ATPSCKMT: variants seen among roughly 807,000 people sequenced by gnomAD.
The protein encoded by ATPSCKMT is ATP synthase c subunit lysine N-methyltransferase.
ATPSCKMT carries 24 observed loss-of-function variants against 24.3 expected under a neutral mutation model. The ratio of observed to expected loss-of-function variants is 0.99; its 90% CI spans 0.71 to 1.39. The LOEUF is 1.39. ATPSCKMT is among the 40% of genes most tolerant of loss of function. ATPSCKMT has a pLI of 0.00. For synonymous variants in ATPSCKMT, 95 were observed against 110.5 expected (o/e 0.86, Z 0.88); for missense variants, 311 against 298.4 (o/e 1.04, Z -0.31).
chr5:10,231,810 G>C (rs16884328), intron 4 of ATPSCKMT, among the ~76,000 whole-genome samples: 32,191 of 152,120 alleles, frequency 0.21, 3,650 homozygotes, highest in Middle Eastern at 0.28. Context: ...TGCTATAGTG[G>C]CCACACTTGT....
rs1345350117 is a variant in ATPSCKMT, at chr5:10,226,649, A to G, written c.*792T>C. 6.6e-6 allele frequency: 1 copy of G among 152,266 alleles called. No homozygotes were observed. Among genetic ancestry groups the G allele is most frequent in the African/African-American group, 2.4e-5 (1 of 41,482 alleles). 9.4% of individuals were successfully genotyped at this position (152,266 alleles called of 1,614,324 possible). ...CAGAAATAATCTGCAACTTCTGTGA[A>G]TAAGATTTTTCTCAGTGTCTAAAAT... On this transcript the variant is annotated 3_prime_UTR_variant, in exon 5 of 5. Coordinates refer to ENST00000511437, the MANE Select transcript of ATPSCKMT (RefSeq NM_199133.4).
chr5:10,238,407 T>C (rs773347612), intron 2 of ATPSCKMT, among the ~76,000 whole-genome samples: 4 of 152,234 alleles, frequency 2.6e-5, no homozygotes, highest in Non-Finnish European at 4.4e-5. Flanking sequence ...AGAGTCCTGC[T>C]GGCCTTCACA....
At position 10,227,159 on chromosome 5, in the gene ATPSCKMT, T is replaced by A. The variant is rs1417728545; in HGVS notation, c.*282A>T. 1 of 423,050 alleles carries A rather than the reference T, an allele frequency of 2.4e-6. No individual in the cohort carries two copies. The highest frequency in any genetic ancestry group is 2.0e-5 in the African/African-American group (1 of 49,860). The allele number at this position is 423,050 out of a possible 1,614,324, so 26.2% of individuals were successfully genotyped here. On this transcript the variant is annotated 3_prime_UTR_variant, in exon 5 of 5. Transcript: ENST00000511437. Reference sequence around the variant, plus strand: ...TTTATAATGTGAAGAGCTATTGGCATCTTATTTTCCTACCCATAACCATGA... The same window carrying A: ...TTTATAATGTGAAGAGCTATTGGCAACTTATTTTCCTACCCATAACCATGA...
chr5:10,237,298 C>T (rs554194910), intron 2 of ATPSCKMT, among the ~76,000 whole-genome samples: 3 of 152,322 alleles, frequency 2.0e-5, no homozygotes, highest in Admixed American at 6.5e-5. Context: ...TACTACAGTG[C>T]TGCAAGAAAA....
At chr5:10,249,474 A>G in intron 1 of ATPSCKMT, 1 of 243,858 alleles carries the variant, frequency 4.1e-6, no homozygotes. Flanking sequence ...GTCACTTTGC[A>G]GACAGGGAAC....
intron 1 of ATPSCKMT, 50 bp downstream of exon 1, chr5:10,249,800 GGCCCGCCC>G: frequency 1.2e-6 from 1 of 833,690 alleles, no homozygotes; most frequent in Non-Finnish European, 1.8e-6. Context: ...GCGAGCCCCC[GGCCCGCCC>G]GCACCCCTTC....
At position 10,227,340 on chromosome 5, in the gene ATPSCKMT, C is replaced by T. The variant is rs973504776; in HGVS notation, c.*101G>A. On this transcript the variant is annotated 3_prime_UTR_variant, in exon 5 of 5. Transcript: ENST00000511437. ...GGAAAGTAATAGTAATTTCTCATTC[C>T]AAACCAAAGACAATTATGCTCCTTT... 7.8e-6 allele frequency: 10 copies of T among 1,277,504 alleles called. No homozygotes were observed. The highest frequency in any genetic ancestry group is 4.2e-5 in the Admixed American group (2 of 48,076). 79.1% of individuals were successfully genotyped at this position (1,277,504 alleles called of 1,614,324 possible).
intron 1 of ATPSCKMT, among the ~76,000 whole-genome samples, chr5:10,242,051 G>A (rs1744669305): frequency 6.6e-6 from 1 of 152,200 alleles, no homozygotes; most frequent in South Asian, 2.1e-4. Flanking sequence ...TTTCACTGGT[G>A]TAGGATCTGG....
intron 1 of ATPSCKMT, among the ~76,000 whole-genome samples, chr5:10,240,437 A>G (rs2607324): frequency 0.91 from 139,131 of 152,094 alleles, 63,918 homozygotes; most frequent in Middle Eastern, 0.99. Context: ...ATTGATTAAC[A>G]AGGAGCACAG....
chr5:10,235,311 G>C, intron 3 of ATPSCKMT, 50 bp from the exon 4 acceptor site: 1 of 1,515,518 alleles, frequency 6.6e-7, no homozygotes, highest in Non-Finnish European at 9.1e-7. Flanking sequence ...AAAGCCAAAC[G>C]TGAAGCTTAA....
chr5:10,245,463 T>C (rs1448268325), intron 1 of ATPSCKMT, among the ~76,000 whole-genome samples: 1 of 149,864 alleles, frequency 6.7e-6, no homozygotes, highest in African/African-American at 2.5e-5. Flanking sequence ...AATTCAAAAT[T>C]GGCCAGCCAC....
At chr5:10,240,188 C>G (rs1412912087) in intron 1 of ATPSCKMT, among the ~76,000 whole-genome samples, 1 of 150,916 alleles carries the variant, frequency 6.6e-6, no homozygotes, top group Admixed American at 6.6e-5. Context: ...GAGCCGAGAT[C>G]GCACCACTGC....
intron 4 of ATPSCKMT, 99 bp downstream of exon 4, chr5:10,235,112 G>A: frequency 9.9e-7 from 1 of 1,006,124 alleles, no homozygotes; most frequent in Non-Finnish European, 1.5e-6. Flanking sequence ...AAATCTCTGG[G>A]AGGCCATCAC....
chr5:10,248,904 A>G (rs1745109062), intron 1 of ATPSCKMT, among the ~76,000 whole-genome samples: 1 of 152,122 alleles, frequency 6.6e-6, no homozygotes, highest in African/African-American at 2.4e-5. Flanking sequence ...GAGGGCGGGG[A>G]GGAAGGCAGC....
intron 2 of ATPSCKMT, among the ~76,000 whole-genome samples, chr5:10,238,177 G>C (rs1744460434): frequency 6.6e-6 from 1 of 152,182 alleles, no homozygotes; most frequent in African/African-American, 2.4e-5. Flanking sequence ...GGGTGGTGGT[G>C]ATGGTGGCAC....
chr5:10,234,490 T>A (rs1744288342), intron 4 of ATPSCKMT, among the ~76,000 whole-genome samples: 1 of 152,050 alleles, frequency 6.6e-6, no homozygotes. Flanking sequence ...TAAAAAAAGG[T>A]AAATTGTCTT....
At chr5:10,249,733 G>T in intron 1 of ATPSCKMT, 125 bp downstream of exon 1, 1 of 1,413,312 alleles carries the variant, frequency 7.1e-7, no homozygotes, top group Non-Finnish European at 9.4e-7. Context: ...CAGGCTGGAG[G>T]CCAGAGCAGC....
intron 4 of ATPSCKMT, among the ~76,000 whole-genome samples, chr5:10,229,538 G>A (rs1744031421): frequency 6.6e-6 from 1 of 152,172 alleles, no homozygotes; most frequent in South Asian, 2.1e-4. Flanking sequence ...TTTATAATGA[G>A]TAGTTTGTGG....
chr5:10,234,925 A>T (rs1215954754), intron 4 of ATPSCKMT, among the ~76,000 whole-genome samples: 1 of 152,220 alleles, frequency 6.6e-6, no homozygotes, highest in Non-Finnish European at 1.5e-5. Flanking sequence ...TGCAAACTAC[A>T]TTAGACACGG....
Sources: allele counts gnomAD v4.1 joint callset (sites outside exome capture counted in the v4.1 genomes callset), GRCh38; gene constraint gnomAD v4.1.1; transcripts MANE v1.5; gene names NCBI Gene and HGNC (gene_info 2026-07-23, HGNC 2026-07-21).